MCTP1: variants seen among roughly 807,000 people sequenced by gnomAD.
MCTP1 encodes the protein multiple C2 and transmembrane domain-containing protein 1.
MCTP1 carries 69 observed loss-of-function variants against 120.6 expected under a neutral mutation model. That is an observed-to-expected ratio of 0.57 (90% confidence interval 0.47 to 0.70). The LOEUF (loss-of-function observed/expected upper bound fraction) is 0.70, where lower values mean the gene tolerates loss of function less well. Among genes scored for constraint, MCTP1 ranks in the 30% least tolerant of loss-of-function variants. The pLI, the probability that MCTP1 is intolerant of heterozygous loss-of-function variation, is 0.00. For synonymous variants in MCTP1, 529 were observed against 493.1 expected (o/e 1.07, Z -0.96); for missense variants, 1,203 against 1,248.8 (o/e 0.96, Z 0.55).
chr5:94,999,362 A>C (rs1833207476), intron 2 of MCTP1, among the ~76,000 whole-genome samples: 1 of 152,216 alleles, frequency 6.6e-6, no homozygotes, highest in South Asian at 2.1e-4. Flanking sequence ...GGTTAAGCAT[A>C]AAACTGTCCT....
intron 18 of MCTP1, among the ~76,000 whole-genome samples, chr5:94,791,576 A>G (rs1258284474): frequency 6.6e-6 from 1 of 152,130 alleles, no homozygotes; most frequent in Admixed American, 6.5e-5. Context: ...TTCCAGGAAT[A>G]TGAAGGATAT....
chr5:94,867,038 A>T (rs1051795420), intron 17 of MCTP1: 2 of 298,920 alleles, frequency 6.7e-6, no homozygotes, highest in African/African-American at 4.4e-5. Context: ...ATGACCCCAT[A>T]AAACCTGGAA....
Position 94,970,856 on chromosome 5 carries a change from T to G in MCTP1, c.839-17495A>C, listed in dbSNP as rs190597698. On this transcript the variant is annotated intron_variant, in intron 2 of 22. Transcript: ENST00000515393. ...GTATTACGCCTCTTCAATCCTTTTT[T>G]TTTTTCTTGGCTATCCCAATACTTT... Among the ~76,000 whole-genome samples, 16 of 152,100 alleles carry G rather than the reference T, an allele frequency of 1.1e-4. No homozygotes were observed. In the East Asian group the frequency reaches 3.1e-3, roughly 29 times the overall value.
At chr5:95,026,432 C>G (rs1366266104) in intron 1 of MCTP1, among the ~76,000 whole-genome samples, 1 of 152,112 alleles carries the variant, frequency 6.6e-6, no homozygotes, top group Non-Finnish European at 1.5e-5. Context: ...ACCCTCCGCT[C>G]TTCCCCTCAA....
chr5:95,089,387 T>C (rs945024543), intron 1 of MCTP1, among the ~76,000 whole-genome samples: 4 of 152,216 alleles, frequency 2.6e-5, no homozygotes, highest in African/African-American at 9.6e-5. Flanking sequence ...AGAATCAAAA[T>C]GCACTGAACA....
intron 19 of MCTP1, among the ~76,000 whole-genome samples, chr5:94,767,399 TG>T (rs1168230527): frequency 6.6e-6 from 1 of 152,160 alleles, no homozygotes; most frequent in Admixed American, 6.5e-5. Context: ...AACATAGTAC[TG>T]AAAGTCCTAG....
chr5:95,280,945 G>A (rs1582726853), intron 1 of MCTP1, among the ~76,000 whole-genome samples: 1 of 152,086 alleles, frequency 6.6e-6, no homozygotes, highest in Non-Finnish European at 1.5e-5. Context: ...TTGGGGCCTC[G>A]TGCTGGGCTA....
chr5:94,946,192 C>T (rs1818872390), intron 3 of MCTP1, among the ~76,000 whole-genome samples: 1 of 152,174 alleles, frequency 6.6e-6, no homozygotes, highest in South Asian at 2.1e-4. Flanking sequence ...ATCATTACTG[C>T]CTCAATAGCT....
chr5:95,236,183 A>T lies in MCTP1; in HGVS notation c.720+47673T>A, dbSNP rs992470230. 2.6e-5 allele frequency among the ~76,000 whole-genome samples: 4 copies of T among 152,316 alleles called. No homozygotes were observed. In the East Asian group the frequency reaches 7.7e-4, roughly 29 times the overall value. On this transcript the variant is annotated intron_variant, in intron 1 of 22. Transcript: ENST00000515393. ...TTTTACAATTTTAATACAATTCTTA[A>T]CTAATTCCTTGCTGATGATATTCTC...
intron 17 of MCTP1, among the ~76,000 whole-genome samples, chr5:94,803,482 T>C (rs1339345712): frequency 1.3e-5 from 2 of 152,192 alleles, no homozygotes; most frequent in African/African-American, 4.8e-5. Context: ...GGCAAGTTAC[T>C]AGATTTCTCT....
At chr5:95,259,533 T>A (rs1325873168) in intron 1 of MCTP1, among the ~76,000 whole-genome samples, 1 of 152,172 alleles carries the variant, frequency 6.6e-6, no homozygotes, top group African/African-American at 2.4e-5. Context: ...AACAACATTG[T>A]CCCCAGTGAA....
intron 2 of MCTP1, among the ~76,000 whole-genome samples, chr5:94,982,436 G>C (rs957075320): frequency 6.6e-6 from 1 of 152,094 alleles, no homozygotes; most frequent in African/African-American, 2.4e-5. Flanking sequence ...CAAGCTGGTG[G>C]TAAATGTCTT....
chr5:94,738,558 G>T (rs1764803654), intron 19 of MCTP1, among the ~76,000 whole-genome samples: 1 of 152,004 alleles, frequency 6.6e-6, no homozygotes, highest in African/African-American at 2.4e-5. Flanking sequence ...TCTACCTTGG[G>T]AATTCTTATT....
rs182673470 is a variant in MCTP1, at chr5:94,735,474, T to G, written c.2611-20588A>C. ...TTTTTTTAAATAGAGACAGGGTCTT[T>G]CCATGATGCCCAGGCTGGTCTTGAA... is the stretch of plus-strand genomic sequence containing the variant. On this transcript the variant is annotated intron_variant, in intron 19 of 22. Coordinates refer to ENST00000515393, the MANE Select transcript of MCTP1 (RefSeq NM_024717.7). 1.9e-3 allele frequency among the ~76,000 whole-genome samples: 294 copies of G among 152,138 alleles called. 1 individual carries two copies. The highest frequency in any genetic ancestry group is 6.4e-3 in the African/African-American group (265 of 41,512).
intron 1 of MCTP1, among the ~76,000 whole-genome samples, chr5:95,270,151 G>A (rs1370060696): frequency 1.3e-5 from 2 of 152,050 alleles, no homozygotes; most frequent in African/African-American, 4.8e-5. Flanking sequence ...TTTTTTTTAA[G>A]TAGAACTGTC....
chr5:94,996,202 G>A (rs1022708980), intron 2 of MCTP1, among the ~76,000 whole-genome samples: 6 of 152,100 alleles, frequency 3.9e-5, no homozygotes, highest in African/African-American at 4.8e-5. Flanking sequence ...CTAATTAACT[G>A]AAAAAATTTG....
chr5:94,963,846 C>T (rs1296838028), intron 2 of MCTP1, among the ~76,000 whole-genome samples: 3 of 152,232 alleles, frequency 2.0e-5, no homozygotes, highest in South Asian at 2.1e-4. Context: ...TCTTTGCTTT[C>T]GTTGCCTGTG....
intron 3 of MCTP1, among the ~76,000 whole-genome samples, chr5:94,948,106 A>AAAAC (rs1313259155): frequency 6.6e-6 from 1 of 152,180 alleles, no homozygotes; most frequent in African/African-American, 2.4e-5. Context: ...GTGACATTGT[A>AAAAC]AAACAAACAA....
At chr5:94,932,126 C>A (rs1581424159) in intron 5 of MCTP1, 135 bp from the exon 6 acceptor site, 2 of 504,846 alleles carry the variant, frequency 4.0e-6, no homozygotes, top group Non-Finnish European at 7.0e-6. Context: ...CAACACAAAA[C>A]TTGTTTGCCA....
Sources: gnomAD v4.1 joint callset for allele counts (sites outside exome capture counted in the v4.1 genomes callset) on GRCh38, gnomAD v4.1.1 for gene constraint, MANE v1.5 for transcripts, NCBI Gene and HGNC (gene_info 2026-07-23, HGNC 2026-07-21) for gene names.